Variants in ZNF613 observed in about 807,000 individuals in gnomAD.
ZNF613 encodes the protein zinc finger protein 613.
Under a neutral mutation model 14.3 loss-of-function variants are expected in ZNF613, and 8 were observed. The observed-to-expected ratio is 0.56, with a 90% CI of 0.33 to 1.01. The LOEUF (loss-of-function observed/expected upper bound fraction) is 1.01. Ranked by LOEUF, ZNF613 falls within the 50% of genes least tolerant of loss-of-function variation. The pLI is 0.03. For synonymous variants in ZNF613, 228 were observed against 254.5 expected (o/e 0.90, Z 0.99); for missense variants, 656 against 741.9 (o/e 0.88, Z 1.35).
At chr19:51,928,009 GCTATCTATCTAT>G (rs141235722) in intron 1 of ZNF613, 19,584 of 146,934 alleles carry the variant, frequency 0.13, 1,692 homozygotes, top group South Asian at 0.24. Context: ...GCGCCACCAC[GCTATCTATCTAT>G]CTATCTATCT....
intron 4 of ZNF613, 47 bp from the exon 5 acceptor site, chr19:51,940,570 C>T (rs1191291618): frequency 1.3e-6 from 2 of 1,563,166 alleles, no homozygotes; most frequent in Non-Finnish European, 1.7e-6. Flanking sequence ...TGATAGACCA[C>T]AGCTCAATTC....
rs370655404 is a variant in ZNF613 at position 51,945,277 on chromosome 19, G to A, written c.1394G>A (p.Cys465Tyr). 2 of 1,613,610 alleles carry A rather than the reference G, an allele frequency of 1.2e-6. No individual in the cohort carries two copies. The highest frequency in any genetic ancestry group is 2.2e-5 in the South Asian group (2 of 91,046). Residue 465 changes from cysteine (C) to tyrosine (Y), a missense_variant, in exon 6 of 6, where the codon TGC (cysteine) becomes TAC (tyrosine). Transcript: ENST00000293471. ...PFVCTECGKS[C>Y]SHKSGLINHQ... The stretch of plus-strand genomic sequence containing the variant: ...GTATGTACTGAGTGTGGAAAATCCT[G>A]CTCACACAAGTCAGGTCTCATTAAC...
chr19:51,944,959 T>C lies in ZNF613; in HGVS notation c.1076T>C (p.Leu359Pro). 6.2e-7 allele frequency: 1 copy of C among 1,614,102 alleles called. No homozygotes were observed. Among genetic ancestry groups the C allele is most frequent in the Non-Finnish European group, 8.5e-7 (1 of 1,180,026 alleles). Residue 359 changes from leucine (L) to proline (P), a missense_variant, in exon 6 of 6, where the codon CTC becomes CCC. By Grantham distance (98) the Leu-to-Pro change is moderately conservative (BLOSUM62 -3). Transcript: ENST00000293471. ...AAAGCATTCCGCTGGAAATCACAGC[T>C]CAATGCACATCAGAAAGCTCACACA... ...CDKAFRWKSQ[L>P]NAHQKAHTGE...
rs186770318 is a variant in ZNF613 at position 51,944,548 on chromosome 19, A to G, written c.665A>G (p.His222Arg). The G allele has an allele frequency of 2.4e-4, 393 of 1,614,188 alleles. 1 individual carries two copies. Among genetic ancestry groups the G allele is most frequent in the Non-Finnish European group, 3.0e-4 (356 of 1,180,014 alleles). ...CTCAAGAAGTCTCGCCTCATCTATCATCAGAGAGTTCACACTGGGGAGAAA... is the reference window on the plus strand; with the variant it reads ...CTCAAGAAGTCTCGCCTCATCTATCGTCAGAGAGTTCACACTGGGGAGAAA... ...AFLKKSRLIYHQRVHTGEKPH... is the reference protein window; with the variant it reads ...AFLKKSRLIYRQRVHTGEKPH... The change falls in exon 6 of 6, where the codon CAT becomes CGT. Residue 222 changes from histidine to arginine, a missense_variant. By Grantham distance (29) the His-to-Arg change is conservative. Coordinates refer to ENST00000293471, the MANE Select transcript of ZNF613 (RefSeq NM_001031721.4).
At chr19:51,930,476 G>A (rs923708524) in intron 2 of ZNF613, among the ~76,000 whole-genome samples, 2 of 152,056 alleles carry the variant, frequency 1.3e-5, no homozygotes, top group African/African-American at 4.8e-5. Context: ...TGGCCAGGCT[G>A]GTCTCAAACT....
In ZNF613 at chr19:51,944,726, T is replaced by G; in HGVS notation, c.843T>G (p.Ile281Met). ...CACAGCTCAATGCACACCAGAAAAT[T>G]CATACAGGAGAGAAGTCATATATAT... ...WKSQLNAHQK[I>M]HTGEKSYICS... is the part of the protein sequence containing the mutation. The change falls in exon 6 of 6, where the codon ATT (isoleucine) becomes ATG (methionine). Residue 281 changes from isoleucine to methionine, a missense_variant. Physicochemically the swap from Ile to Met is conservative, Grantham distance 10. Coordinates refer to ENST00000293471, the MANE Select transcript of ZNF613 (RefSeq NM_001031721.4). 3 of 1,612,388 alleles carry G rather than the reference T, an allele frequency of 1.9e-6. No individual in the cohort carries two copies. Among genetic ancestry groups the G allele is most frequent in the Non-Finnish European group, 2.5e-6 (3 of 1,179,734 alleles).
At chr19:51,935,255 A>G (rs1425987891) in intron 2 of ZNF613, among the ~76,000 whole-genome samples, 13 of 152,168 alleles carry the variant, frequency 8.5e-5, no homozygotes, top group Admixed American at 8.5e-4. Context: ...TGCCTGTGTC[A>G]CTGTTGGCAG....
rs769127918 is a variant in ZNF613, at chr19:51,936,226, C to T, written c.6C>T (p.Ile2=). The change falls in exon 3 of 6, where the codon ATC becomes ATT. Residue 2 remains isoleucine, a synonymous_variant. Transcript: ENST00000293471. M[I]KSQESLTLED... is the part of the protein sequence containing the mutation. Reference sequence around the variant, plus strand: ...TTTCCCAGTAACAAAAGAAAATGATCAAGTCCCAGGTGACTTTTTGTTTGT... The same window carrying T: ...TTTCCCAGTAACAAAAGAAAATGATTAAGTCCCAGGTGACTTTTTGTTTGT... The T allele has an allele frequency of 5.0e-6, 8 of 1,602,968 alleles. No homozygotes were observed. The African/African-American group carries it at 1.1e-4, about 22-fold the overall frequency.
At chr19:51,943,972 C>A (rs1267660083) in intron 5 of ZNF613, 147 bp from the exon 6 acceptor site, 1 of 504,466 alleles carries the variant, frequency 2.0e-6, no homozygotes, top group Non-Finnish European at 3.3e-6. Flanking sequence ...ATGGTTTATT[C>A]TTGTCCAAGT....
chr19:51,927,524 G>T lies in ZNF613; in HGVS notation c.-375G>T, dbSNP rs1351411423. On this transcript the variant is annotated 5_prime_UTR_variant, in exon 1 of 6. Transcript: ENST00000293471. ...TGCAGGTTCTGGGAAGTCTCGGTGG[G>T]TTCCCCGCAAAATCAGGTCTGTGTG... 1 of 149,786 alleles carries T rather than the reference G, an allele frequency of 6.7e-6. No homozygotes were observed. The highest frequency in any genetic ancestry group is 6.7e-5 in the Admixed American group (1 of 15,024). The allele number at this position is 149,786 out of a possible 1,614,324, so 9.3% of individuals were successfully genotyped here.
rs8106409 is a variant in ZNF613, at chr19:51,944,160, A to G, written c.277A>G (p.Lys93Glu). ...CAATCATCTACAGATGCACTCACAA[A>G]AGCAAAGATGTCTGAAGAGAGTGGA... ...VDNHLQMHSQ[K>E]QRCLKRVEQC... The change falls in exon 6 of 6, where the codon AAG (lysine) becomes GAG (glutamate). Residue 93 changes from lysine to glutamate, a missense_variant. Coordinates refer to ENST00000293471, the MANE Select transcript of ZNF613 (RefSeq NM_001031721.4). 2.7e-3 allele frequency: 4,136 copies of G among 1,552,182 alleles called. 101 individuals are homozygous for G. The African/African-American group carries it at 0.051, about 19-fold the overall frequency.
intron 5 of ZNF613, among the ~76,000 whole-genome samples, chr19:51,942,407 T>C (rs998746964): frequency 6.6e-6 from 1 of 152,186 alleles, no homozygotes; most frequent in Non-Finnish European, 1.5e-5. Context: ...CAAAGTATAA[T>C]GAGGGATGCC....
rs767056795 is a variant in ZNF613 at position 51,945,644 on chromosome 19, CAG to C, written c.1762_1763del (p.Ser588CysfsTer24). 6.2e-6 allele frequency: 10 copies of C among 1,614,008 alleles called. No homozygotes were observed. The highest frequency in any genetic ancestry group is 1.6e-4 in the Middle Eastern group (1 of 6,084). ...SVAAQTSLTN[S>X]AFQAESKVAI... ...TGGCAGCTCAGACCTCATTAACTAA[CAG>C]TGCGTTCCAAGCAGAGAGCAAAGTA... On this transcript the variant is annotated frameshift_variant, in exon 6 of 6. Transcript: ENST00000293471. LOFTEE classifies it low-confidence loss of function (END_TRUNC).
At position 51,936,143 on chromosome 19, in the gene ZNF613, C is replaced by A; in HGVS notation, c.-78C>A. On this transcript the variant is annotated 5_prime_UTR_variant, in exon 3 of 6. Coordinates refer to ENST00000293471, the MANE Select transcript of ZNF613 (RefSeq NM_001031721.4). ...TTCACCAGAGACCAAGATTTCTAGCCAGAAATTGAGGGCAGCTCAAGGAGA... is the reference window on the plus strand; with the variant it reads ...TTCACCAGAGACCAAGATTTCTAGCAAGAAATTGAGGGCAGCTCAAGGAGA... The A allele has an allele frequency of 1.4e-6, 2 of 1,471,514 alleles. No homozygotes were observed. Among genetic ancestry groups the A allele is most frequent in the Non-Finnish European group, 1.8e-6 (2 of 1,087,156 alleles). 91.2% of individuals were successfully genotyped at this position (1,471,514 alleles called of 1,614,324 possible).
chr19:51,945,640 C>A lies in ZNF613; in HGVS notation c.1757C>A (p.Thr586Asn). ...TCTGTGGCAGCTCAGACCTCATTAA[C>A]TAACAGTGCGTTCCAAGCAGAGAGC... is the stretch of plus-strand genomic sequence containing the variant. Reference protein sequence around the residue: ...MPSVAAQTSLTNSAFQAESKV... With the variant: ...MPSVAAQTSLNNSAFQAESKV... The change falls in exon 6 of 6, where the codon ACT becomes AAT. Residue 586 changes from threonine to asparagine, a missense_variant. By Grantham distance (65) the Thr-to-Asn change is moderately conservative. Coordinates refer to ENST00000293471, the MANE Select transcript of ZNF613 (RefSeq NM_001031721.4). The A allele has an allele frequency of 6.2e-7, 1 of 1,613,930 alleles. No homozygotes were observed.
rs575099913 is a variant in ZNF613 at position 51,938,789 on chromosome 19, T to C, written c.16-1420T>C. Among the ~76,000 whole-genome samples, 23 of 148,670 alleles carry C rather than the reference T, an allele frequency of 1.5e-4. No individual in the cohort carries two copies. In the East Asian group the frequency reaches 2.0e-3, roughly 13 times the overall value. On this transcript the variant is annotated intron_variant, in intron 3 of 5. Coordinates refer to ENST00000293471, the MANE Select transcript of ZNF613 (RefSeq NM_001031721.4). ...GTATAGGTTTATAGTCTGGGAGCAA[T>C]AGGCTATACCGTAGAGCCTGGGCAT...
At chr19:51,931,211 T>G (rs2085261485) in intron 2 of ZNF613, among the ~76,000 whole-genome samples, 1 of 152,220 alleles carries the variant, frequency 6.6e-6, no homozygotes. Context: ...CTATTTCCTT[T>G]ACAAAAATTT....
Position 51,936,200 on chromosome 19 carries a change from AT to A in ZNF613, c.-18del. On this transcript the variant is annotated 5_prime_UTR_variant, in exon 3 of 6. Coordinates refer to ENST00000293471, the MANE Select transcript of ZNF613 (RefSeq NM_001031721.4). ...AGACACAGCATCCTACTTACTGGCT[AT>A]TTCCCAGTAACAAAAGAAAATGATC... 1.2e-6 allele frequency: 2 copies of A among 1,603,978 alleles called. No individual in the cohort carries two copies. Among genetic ancestry groups the A allele is most frequent in the Non-Finnish European group, 1.7e-6 (2 of 1,175,240 alleles).
At chr19:51,928,600 G>A (rs1446787221) in intron 1 of ZNF613, among the ~76,000 whole-genome samples, 1 of 152,110 alleles carries the variant, frequency 6.6e-6, no homozygotes, top group Non-Finnish European at 1.5e-5. Flanking sequence ...GGTGGCTCAC[G>A]CCTATATTCC....
Sources: gnomAD v4.1 joint callset for allele counts (sites outside exome capture counted in the v4.1 genomes callset) on GRCh38, gnomAD v4.1.1 for gene constraint, MANE v1.5 for transcripts, NCBI Gene and HGNC (gene_info 2026-07-23, HGNC 2026-07-21) for gene names.